The following EEF1AKMT1 variants were observed in gnomAD, a reference collection of about 807,000 sequenced individuals.
EEF1AKMT1 encodes N-6 adenine-specific DNA methyltransferase 2 (putative).
A neutral mutation model predicts 21.0 loss-of-function variants in EEF1AKMT1; 18 were observed. That is an observed-to-expected ratio of 0.86 (90% CI 0.59 to 1.27). The LOEUF is 1.27. Ranked by LOEUF, EEF1AKMT1 falls within the 50% of genes most tolerant of loss-of-function variation. The pLI, the probability that EEF1AKMT1 is intolerant of heterozygous loss-of-function variation, is 0.00. For synonymous variants in EEF1AKMT1, 109 were observed against 94.8 expected, an observed-to-expected ratio of 1.15 and a Z score of -0.87; for missense variants, 246 against 258.6, an observed-to-expected ratio of 0.95 and a Z score of 0.33.
chr13:20,741,838 G>A (rs991314803), intron 2 of EEF1AKMT1, among the ~76,000 whole-genome samples: 7 of 152,170 alleles, frequency 4.6e-5, no homozygotes, highest in Non-Finnish European at 1.0e-4. Context: ...ACCATCTTGA[G>A]TCAGAAGGTA....
At chr13:20,737,971 T>C (rs1351797711) in intron 2 of EEF1AKMT1, among the ~76,000 whole-genome samples, 166 bp from the exon 3 acceptor site, 2 of 152,242 alleles carry the variant, frequency 1.3e-5, no homozygotes. Flanking sequence ...TGAAAATTAA[T>C]TTTTCTTCGA....
At chr13:20,747,462 C>CTTTTTTTTTATTTTTTTTTTTTTTT (rs2058911975) in intron 2 of EEF1AKMT1, 1 of 87,632 alleles carries the variant, frequency 1.1e-5, no homozygotes, top group African/African-American at 5.2e-5. Flanking sequence ...TAGGCACATT[C>CTTTTTTTTTATTTTTTTTTTTTTTT]TTTTTTTTTT....
chr13:20,759,823 G>C (rs2058990801), intron 1 of EEF1AKMT1, among the ~76,000 whole-genome samples: 1 of 152,060 alleles, frequency 6.6e-6, no homozygotes. Context: ...TCAAAAAATA[G>C]GACGGGCACA....
chr13:20,739,112 G>A (rs748911790), intron 2 of EEF1AKMT1, among the ~76,000 whole-genome samples: 14 of 152,144 alleles, frequency 9.2e-5, no homozygotes, highest in Non-Finnish European at 5.9e-5. Flanking sequence ...CCTTCGCCAA[G>A]AGGATTACAA....
chr13:20,739,129 A>C (rs188886050), intron 2 of EEF1AKMT1, among the ~76,000 whole-genome samples: 3 of 152,130 alleles, frequency 2.0e-5, no homozygotes, highest in African/African-American at 7.2e-5. Flanking sequence ...ACAACTCCTA[A>C]GATGGCACAT....
chr13:20,751,963 T>C (rs1209590264), intron 2 of EEF1AKMT1, among the ~76,000 whole-genome samples: 1 of 152,198 alleles, frequency 6.6e-6, no homozygotes, highest in Non-Finnish European at 1.5e-5. Context: ...TACTGGTGTA[T>C]GGAAATGCTA....
intron 1 of EEF1AKMT1, chr13:20,768,784 T>C: frequency 6.6e-6 from 1 of 152,606 alleles, no homozygotes; most frequent in South Asian, 2.1e-4. Context: ...CTACCCATTC[T>C]CACCCTCCAG....
rs374824798 is a variant in EEF1AKMT1, at chr13:20,739,955, G to A, written c.145-2150C>T. Reference sequence around the variant, plus strand: ...AGTGCTTCTCAGCCCTTGGGCAGTTGATGCGACTGGGCCCCGCAGAGAAGG... The same window carrying A: ...AGTGCTTCTCAGCCCTTGGGCAGTTAATGCGACTGGGCCCCGCAGAGAAGG... On this transcript the variant is annotated intron_variant, in intron 2 of 4. Coordinates refer to ENST00000382758, the MANE Select transcript of EEF1AKMT1 (RefSeq NM_001318939.2). 2.0e-5 allele frequency among the ~76,000 whole-genome samples: 3 copies of A among 152,264 alleles called. No homozygotes were observed. In the South Asian group the frequency reaches 6.2e-4, roughly 31 times the overall value.
In EEF1AKMT1 at chr13:20,731,983, A is replaced by G. The variant is rs773200202; in HGVS notation, c.366T>C (p.Asn122=). 3.1e-6 allele frequency: 5 copies of G among 1,614,126 alleles called. No homozygotes were observed. The highest frequency in any genetic ancestry group is 4.2e-6 in the Non-Finnish European group (5 of 1,180,058). Reference sequence around the variant, plus strand: ...CAATTCTTTCGGGTAAGTCCAATGGATTATTGTAATCATAGAAAATAAACT... The same window carrying G: ...CAATTCTTTCGGGTAAGTCCAATGGGTTATTGTAATCATAGAAAATAAACT... ...GEEFIFYDYN[N]PLDLPERIAA... is the part of the protein sequence containing the mutation. Residue 122 remains asparagine (N), a synonymous_variant, in exon 4 of 5, where the codon AAT becomes AAC. Coordinates refer to ENST00000382758, the MANE Select transcript of EEF1AKMT1 (RefSeq NM_001318939.2).
chr13:20,736,304 C>G (rs888637897), intron 3 of EEF1AKMT1, among the ~76,000 whole-genome samples: 4 of 152,104 alleles, frequency 2.6e-5, no homozygotes. Context: ...CCTTCAAAAC[C>G]TGGAATGTGC....
At chr13:20,742,683 G>T (rs1333202387) in intron 2 of EEF1AKMT1, among the ~76,000 whole-genome samples, 1 of 152,132 alleles carries the variant, frequency 6.6e-6, no homozygotes, top group Admixed American at 6.6e-5. Context: ...TGACAAAGTT[G>T]CTCCAACACC....
At chr13:20,757,827 A>AAG (rs1183566793) in intron 1 of EEF1AKMT1, among the ~76,000 whole-genome samples, 2 of 152,162 alleles carry the variant, frequency 1.3e-5, no homozygotes, top group Non-Finnish European at 2.9e-5. Context: ...CCACGATGGG[A>AAG]AGGACATGTC....
chr13:20,737,026 G>T (rs1243066662), intron 3 of EEF1AKMT1, among the ~76,000 whole-genome samples: 3 of 150,970 alleles, frequency 2.0e-5, no homozygotes, highest in African/African-American at 7.3e-5. Context: ...GAGCCACCAC[G>T]CCCAGTCACC....
chr13:20,746,285 T>G (rs567888252), intron 2 of EEF1AKMT1, among the ~76,000 whole-genome samples: 1 of 152,264 alleles, frequency 6.6e-6, no homozygotes, highest in African/African-American at 2.4e-5. Context: ...CCCAAGTAGC[T>G]GGGATTACAA....
chr13:20,739,553 T>C (rs1009033300), intron 2 of EEF1AKMT1, among the ~76,000 whole-genome samples: 3 of 152,142 alleles, frequency 2.0e-5, no homozygotes, highest in Admixed American at 6.5e-5. Flanking sequence ...AGAGTGCTGA[T>C]TGGTGCATTT....
chr13:20,731,808 T>G lies in EEF1AKMT1; in HGVS notation c.508+33A>C, dbSNP rs7992250. On this transcript the variant is annotated intron_variant, in intron 4 of 4. Coordinates refer to ENST00000382758, the MANE Select transcript of EEF1AKMT1 (RefSeq NM_001318939.2). ...TGAAGACCTGAATAGCCACTGTCAG[T>G]GACTTTGATGAGATATGAAATGCAG... The G allele has an allele frequency of 1.6e-3, 2,589 of 1,583,738 alleles. 42 individuals carry two copies. In the African/African-American group the frequency reaches 0.031, roughly 19 times the overall value.
chr13:20,743,878 C>T (rs947274771), intron 2 of EEF1AKMT1, among the ~76,000 whole-genome samples: 14 of 151,954 alleles, frequency 9.2e-5, no homozygotes, highest in Middle Eastern at 3.4e-3. Flanking sequence ...GTGTGATGTT[C>T]CCCTCCCTAT....
chr13:20,764,311 TAGA>T (rs2059016202), intron 1 of EEF1AKMT1, among the ~76,000 whole-genome samples: 1 of 152,210 alleles, frequency 6.6e-6, no homozygotes, highest in Non-Finnish European at 1.5e-5. Context: ...CCCATATATT[TAGA>T]AGGACACTGT....
intron 2 of EEF1AKMT1, among the ~76,000 whole-genome samples, chr13:20,753,890 A>G (rs775996753): frequency 1.3e-4 from 19 of 151,980 alleles, no homozygotes; most frequent in Non-Finnish European, 2.9e-5. Flanking sequence ...GGCAGTCTCT[A>G]TCTTCTAAGA....
Sources: allele counts gnomAD v4.1 joint callset (sites outside exome capture counted in the v4.1 genomes callset), GRCh38; gene constraint gnomAD v4.1.1; transcripts MANE v1.5; gene names NCBI Gene and HGNC (gene_info 2026-07-23, HGNC 2026-07-21).